The following CYRIB variants were observed in gnomAD, a reference collection of about 807,000 sequenced individuals.
CYRIB encodes the protein CYFIP related Rac1 interactor B.
In CYRIB, 8 loss-of-function variants were observed where a neutral mutation model predicts 44.2. That is an observed-to-expected ratio of 0.18 (90% CI 0.11 to 0.33). CYRIB has a LOEUF of 0.33. Among genes scored for constraint, CYRIB ranks in the 10% least tolerant of loss-of-function variants. CYRIB has a pLI of 1.00. For synonymous variants in CYRIB, 131 were observed against 127.2 expected (o/e 1.03, Z -0.20); for missense variants, 185 against 382.8 (o/e 0.48, Z 4.31).
chr8:129,871,333 A>G (rs1198141880), intron 4 of CYRIB, 42 bp downstream of exon 6: 4 of 1,578,492 alleles, frequency 2.5e-6, no homozygotes, highest in Non-Finnish European at 3.4e-6. Context: ...GAGGTGGGAC[A>G]GTAAGTTTCA....
chr8:129,874,196 C>T (rs1166394518), intron 3 of CYRIB, among the ~76,000 whole-genome samples: 1 of 151,596 alleles, frequency 6.6e-6, no homozygotes, highest in Admixed American at 6.6e-5. Context: ...AAAGGACATG[C>T]AAAATTGCAA....
chr8:129,991,655 G>A (rs978795807), intron 1 of CYRIB, among the ~76,000 whole-genome samples: 10 of 151,874 alleles, frequency 6.6e-5, no homozygotes, highest in Non-Finnish European at 1.5e-4. Context: ...AGAACTGTAA[G>A]AAATAAATTT....
At chr8:129,860,470 C>T (rs1297961806) in intron 5 of CYRIB, among the ~76,000 whole-genome samples, 1 of 152,054 alleles carries the variant, frequency 6.6e-6, no homozygotes, top group Non-Finnish European at 1.5e-5. Flanking sequence ...AAGACAAATA[C>T]TGTAAAATAA....
chr8:129,986,658 G>A (rs1231205667), intron 1 of CYRIB, among the ~76,000 whole-genome samples: 1 of 152,120 alleles, frequency 6.6e-6, no homozygotes, highest in Admixed American at 6.5e-5. Context: ...ACAGCCTCGG[G>A]AATTTGCACA....
exon 3 of CYRIB, chr8:129,879,410 T>C (rs1235586431): frequency 5.0e-6 from 8 of 1,611,724 alleles, no homozygotes; most frequent in East Asian, 2.2e-5. Flanking sequence ...AGGAAAAAAT[T>C]TGGCCCCTGC....
chr8:129,980,899 G>C (rs530361181), intron 1 of CYRIB, among the ~76,000 whole-genome samples: 1 of 151,338 alleles, frequency 6.6e-6, no homozygotes, highest in Admixed American at 6.6e-5. Context: ...TGGGAGGATC[G>C]CTTCAGCCTG....
intron 1 of CYRIB, among the ~76,000 whole-genome samples, chr8:130,002,326 T>G (rs1157313421): frequency 6.6e-6 from 1 of 152,042 alleles, no homozygotes; most frequent in Non-Finnish European, 1.5e-5. Flanking sequence ...TCAGATGTAG[T>G]GGCATGCACC....
At chr8:129,896,746 T>C (rs1219139887) in intron 2 of CYRIB, 4 of 152,236 alleles carry the variant, frequency 2.6e-5, no homozygotes, top group African/African-American at 9.6e-5. Context: ...CTTAAGGACC[T>C]ACTGCCAAGT....
chr8:129,884,371 C>A (rs555205727), intron 2 of CYRIB, among the ~76,000 whole-genome samples: 1 of 152,232 alleles, frequency 6.6e-6, no homozygotes, highest in East Asian at 1.9e-4. Context: ...TCACTGCAAC[C>A]TTCGCCTCCC....
At position 129,876,771 on chromosome 8, in the gene CYRIB, A is replaced by G. The variant is rs188157474; in HGVS notation, c.73+2618T>C. On this transcript the variant is annotated intron_variant, in intron 3 of 11. Coordinates refer to ENST00000519824, the Ensembl canonical transcript of CYRIB. The stretch of plus-strand genomic sequence containing the variant: ...CTGCAGAGACATATTGGGTCACCCA[A>G]CTGCAGAGACATATTGGGATAGACT... Among the ~76,000 whole-genome samples, 3 of 152,172 alleles carry G rather than the reference A, an allele frequency of 2.0e-5. No homozygotes were observed. In the East Asian group the frequency reaches 5.8e-4, roughly 29 times the overall value.
chr8:129,854,289 G>A, exon 7 of CYRIB: 2 of 1,610,316 alleles, frequency 1.2e-6, no homozygotes, highest in Non-Finnish European at 1.7e-6. Context: ...ATCCTCATAC[G>A]ACTCAATGTT....
At chr8:129,958,159 G>A (rs993616714) in intron 2 of CYRIB, among the ~76,000 whole-genome samples, 1 of 151,890 alleles carries the variant, frequency 6.6e-6, no homozygotes, top group African/African-American at 2.4e-5. Context: ...CTGTCTCTGG[G>A]GAAAAAAAAT....
At chr8:129,978,066 G>A (rs1257634078) in intron 1 of CYRIB, among the ~76,000 whole-genome samples, 1 of 152,052 alleles carries the variant, frequency 6.6e-6, no homozygotes, top group Non-Finnish European at 1.5e-5. Flanking sequence ...TTGTACAGGC[G>A]TGTGCCACCA....
At chr8:129,968,414 T>G (rs1038045965) in intron 2 of CYRIB, among the ~76,000 whole-genome samples, 1 of 152,252 alleles carries the variant, frequency 6.6e-6, no homozygotes, top group African/African-American at 2.4e-5. Flanking sequence ...TTTTATTTCT[T>G]TTTTCTTGTG....
chr8:129,943,748 A>G (rs535099988), upstream of CYRIB, among the ~76,000 whole-genome samples: 26 of 150,504 alleles, frequency 1.7e-4, no homozygotes, highest in African/African-American at 1.2e-4. Flanking sequence ...ACAGGCGCCC[A>G]CCATCACGCC....
chr8:129,984,126 A>G (rs2096363492), intron 1 of CYRIB, among the ~76,000 whole-genome samples: 1 of 152,218 alleles, frequency 6.6e-6, no homozygotes, highest in African/African-American at 2.4e-5. Context: ...AACACCGCCC[A>G]CCAGCAGGGA....
At chr8:129,903,750 T>C (rs922310731) in intron 1 of CYRIB, among the ~76,000 whole-genome samples, 1 of 152,230 alleles carries the variant, frequency 6.6e-6, no homozygotes, top group Admixed American at 6.5e-5. Context: ...TTATATTTCT[T>C]ATCACAGTTT....
At chr8:129,851,935 G>A in intron 8 of CYRIB, 1 of 379,730 alleles carries the variant, frequency 2.6e-6, no homozygotes, top group Non-Finnish European at 4.7e-6. Context: ...AGTTTGGTTT[G>A]GCCATGCCAT....
upstream of CYRIB, among the ~76,000 whole-genome samples, chr8:129,944,327 A>T (rs1475512626): frequency 6.6e-6 from 1 of 152,198 alleles, no homozygotes; most frequent in Admixed American, 6.5e-5. Flanking sequence ...ATGCTACCTG[A>T]TGCAGAATCT....
Sources: allele counts gnomAD v4.1 joint callset (sites outside exome capture counted in the v4.1 genomes callset), GRCh38; gene constraint gnomAD v4.1.1; transcripts MANE v1.5; gene names NCBI Gene and HGNC (gene_info 2026-07-23, HGNC 2026-07-21).